Variants in FAM110B observed in about 807,000 individuals in gnomAD.
The protein encoded by FAM110B is protein FAM110B.
A neutral mutation model predicts 20.4 loss-of-function variants in FAM110B; 6 were observed. The ratio of observed to expected loss-of-function variants is 0.29; its 90% CI spans 0.16 to 0.58. The LOEUF is 0.58. Among genes scored for constraint, FAM110B ranks in the 20% least tolerant of loss-of-function variants. The pLI, the probability that FAM110B is intolerant of heterozygous loss-of-function variation, is 0.90. For synonymous variants in FAM110B, 226 were observed against 214.1 expected, an observed-to-expected ratio of 1.06 and a Z score of -0.49; for missense variants, 434 against 498.2, an observed-to-expected ratio of 0.87 and a Z score of 1.23.
intron 3 of FAM110B, among the ~76,000 whole-genome samples, chr8:58,144,060 C>T (rs1803800402): frequency 6.6e-6 from 1 of 152,180 alleles, no homozygotes; most frequent in Non-Finnish European, 1.5e-5. Flanking sequence ...TAACTCGTGC[C>T]CCAGGAGAAG....
At chr8:58,086,563 A>C (rs183035811) in intron 3 of FAM110B, among the ~76,000 whole-genome samples, 194 of 152,336 alleles carry the variant, frequency 1.3e-3, no homozygotes, top group African/African-American at 4.5e-3. Context: ...CTTAAGTCTC[A>C]TACTGAGAAG....
At chr8:58,081,129 C>T (rs1027862585) in intron 3 of FAM110B, among the ~76,000 whole-genome samples, 1 of 152,204 alleles carries the variant, frequency 6.6e-6, no homozygotes, top group Admixed American at 6.5e-5. Flanking sequence ...AACCCCATTA[C>T]TGACTTAGCC....
At position 58,048,423 on chromosome 8, in the gene FAM110B, C is replaced by T. The variant is rs956713302; in HGVS notation, c.-414+16720C>T. On this transcript the variant is annotated intron_variant, in intron 2 of 3. Transcript: ENST00000519262. ...CCCATTATTGGGGTTTCCTCAGGCCCCAACCCTCCTGTCTCTTCTGCCTGC... is the reference window on the plus strand; with the variant it reads ...CCCATTATTGGGGTTTCCTCAGGCCTCAACCCTCCTGTCTCTTCTGCCTGC... Among the ~76,000 whole-genome samples, 25 of 152,082 alleles carry T rather than the reference C, an allele frequency of 1.6e-4. 1 individual carries two copies. The highest frequency in any genetic ancestry group is 2.9e-5 in the Non-Finnish European group (2 of 68,018).
rs543552933 is a variant in FAM110B, at chr8:58,128,025, C to T, written c.-324-17882C>T. ...CAGGGAAGTGATTTTTCTCACAATACACAAGTACTGTCAGTATGTCCAATT... is the reference window on the plus strand; with the variant it reads ...CAGGGAAGTGATTTTTCTCACAATATACAAGTACTGTCAGTATGTCCAATT... On this transcript the variant is annotated intron_variant, in intron 3 of 3. Transcript: ENST00000519262. Among the ~76,000 whole-genome samples, 17 of 152,306 alleles carry T rather than the reference C, an allele frequency of 1.1e-4. No homozygotes were observed. In the South Asian group the frequency reaches 3.5e-3, roughly 32 times the overall value.
intron 2 of FAM110B, among the ~76,000 whole-genome samples, chr8:58,058,249 G>A (rs1342232812): frequency 1.3e-5 from 2 of 151,736 alleles, no homozygotes; most frequent in Non-Finnish European, 2.9e-5. Context: ...ACAGAACAGA[G>A]AGTCAAACCC....
At chr8:58,017,228 G>C (rs1804657289) in intron 1 of FAM110B, among the ~76,000 whole-genome samples, 1 of 152,196 alleles carries the variant, frequency 6.6e-6, no homozygotes, top group South Asian at 2.1e-4. Context: ...AAGGCATTAT[G>C]CCGCTTCATT....
At chr8:58,034,271 G>A (rs1460305044) in intron 2 of FAM110B, among the ~76,000 whole-genome samples, 1 of 152,200 alleles carries the variant, frequency 6.6e-6, no homozygotes, top group Non-Finnish European at 1.5e-5. Flanking sequence ...TCATTGAGTT[G>A]CCAGCTTTGA....
rs183792827 is a variant in FAM110B at position 58,053,859 on chromosome 8, A to G, written c.-413-21676A>G. Among the ~76,000 whole-genome samples, 729 of 152,320 alleles carry G rather than the reference A, an allele frequency of 4.8e-3. 5 individuals are homozygous for G. Among genetic ancestry groups the G allele is most frequent in the African/African-American group, 0.016 (678 of 41,574 alleles). ...ATTATGTATTTAATGGAGAAGAAAA[A>G]TCTTAGACAAATTAAATTTAACGTA... On this transcript the variant is annotated intron_variant, in intron 2 of 3. Coordinates refer to ENST00000519262, the MANE Select transcript of FAM110B (RefSeq NM_001377989.1).
At chr8:58,016,366 G>C (rs994869826) in intron 1 of FAM110B, among the ~76,000 whole-genome samples, 4 of 152,112 alleles carry the variant, frequency 2.6e-5, no homozygotes, top group Admixed American at 6.5e-5. Flanking sequence ...TTCTGGCTTG[G>C]GCCTCCCGGG....
At chr8:58,071,652 A>G (rs192935095) in intron 2 of FAM110B, among the ~76,000 whole-genome samples, 2 of 152,286 alleles carry the variant, frequency 1.3e-5, no homozygotes, top group African/African-American at 2.4e-5. Context: ...ATCCTGGCAG[A>G]TAGTAAGTCA....
chr8:58,084,830 A>T (rs1448955976), intron 3 of FAM110B, among the ~76,000 whole-genome samples: 4 of 152,154 alleles, frequency 2.6e-5, no homozygotes, highest in African/African-American at 9.7e-5. Flanking sequence ...GGCTGCTGTC[A>T]GGTGCCAGCA....
At chr8:58,022,323 G>A (rs1237995612) in intron 1 of FAM110B, among the ~76,000 whole-genome samples, 2 of 152,172 alleles carry the variant, frequency 1.3e-5, no homozygotes, top group Non-Finnish European at 2.9e-5. Flanking sequence ...AAAGTACCTA[G>A]AGTAGTCAGT....
intron 1 of FAM110B, among the ~76,000 whole-genome samples, chr8:58,014,241 G>A (rs71519494): frequency 0.042 from 6,372 of 152,168 alleles, 223 homozygotes; most frequent in Non-Finnish European, 0.052. Flanking sequence ...GTGGGACTGC[G>A]CAGGGTACTC....
chr8:58,006,901 G>GTATA (rs761091750), intron 1 of FAM110B, among the ~76,000 whole-genome samples: 2,348 of 97,488 alleles, frequency 0.024, 140 homozygotes, highest in African/African-American at 0.044. Context: ...GGCTTAATTG[G>GTATA]TATATATATA....
At chr8:58,069,924 A>G (rs1027247570) in intron 2 of FAM110B, among the ~76,000 whole-genome samples, 1 of 152,238 alleles carries the variant, frequency 6.6e-6, no homozygotes, top group Admixed American at 6.5e-5. Flanking sequence ...CACTTTAAAA[A>G]TCACTTATAG....
At chr8:58,065,523 A>G (rs949467966) in intron 2 of FAM110B, among the ~76,000 whole-genome samples, 1 of 152,196 alleles carries the variant, frequency 6.6e-6, no homozygotes, top group African/African-American at 2.4e-5. Context: ...GACTTCTGCA[A>G]CAGAATTCAT....
At chr8:58,136,003 CTTTTTTT>C (rs5891669) in intron 3 of FAM110B, among the ~76,000 whole-genome samples, 3 of 71,494 alleles carry the variant, frequency 4.2e-5, no homozygotes, top group Non-Finnish European at 7.4e-5. Flanking sequence ...CCAGCAAGTC[CTTTTTTT>C]TTTTTTTTTT....
At chr8:58,019,370 GA>G (rs1563498723) in intron 1 of FAM110B, among the ~76,000 whole-genome samples, 1 of 129,488 alleles carries the variant, frequency 7.7e-6, no homozygotes, top group African/African-American at 2.9e-5. Flanking sequence ...AGGAAAGAAA[GA>G]AAGAAAGAAA....
chr8:58,134,546 T>C (rs974532377), intron 3 of FAM110B, among the ~76,000 whole-genome samples: 1 of 152,240 alleles, frequency 6.6e-6, no homozygotes, highest in Non-Finnish European at 1.5e-5. Flanking sequence ...TTCTACTGAA[T>C]GCTTAACATT....
Sources: allele counts gnomAD v4.1 joint callset (sites outside exome capture counted in the v4.1 genomes callset), GRCh38; gene constraint gnomAD v4.1.1; transcripts MANE v1.5; gene names NCBI Gene and HGNC (gene_info 2026-07-23, HGNC 2026-07-21).